TEX9: variants seen among roughly 807,000 people sequenced by gnomAD.
TEX9 encodes testis expressed 9.
TEX9 carries 74 observed loss-of-function variants against 59.6 expected under a neutral mutation model. That is an observed-to-expected ratio of 1.24 (90% confidence interval 1.03 to 1.51). TEX9 has a LOEUF of 1.51. Among genes scored for constraint, TEX9 ranks in the 40% most tolerant of loss-of-function variants. The pLI, the probability that TEX9 is intolerant of heterozygous loss-of-function variation, is 0.00. For synonymous variants in TEX9, 186 were observed against 152.2 expected (o/e 1.22, Z -1.64); for missense variants, 522 against 447.8 (o/e 1.17, Z -1.49).
intron 1 of TEX9, among the ~76,000 whole-genome samples, chr15:56,292,084 GA>G (rs2045107451): frequency 6.6e-6 from 1 of 152,224 alleles, no homozygotes; most frequent in African/African-American, 2.4e-5. Flanking sequence ...ATCTCAAAGT[GA>G]TGATTATTAT....
At chr15:56,360,491 G>T (rs974728864), upstream of TEX9, among the ~76,000 whole-genome samples, 3 of 152,070 alleles carry the variant, frequency 2.0e-5, no homozygotes, top group African/African-American at 7.2e-5. Context: ...AAATGTTGGG[G>T]TATAGAGTTC....
At chr15:56,299,208 GA>G (rs2045285395) in intron 1 of TEX9, among the ~76,000 whole-genome samples, 1 of 152,208 alleles carries the variant, frequency 6.6e-6, no homozygotes, top group African/African-American at 2.4e-5. Context: ...CACAGAAATA[GA>G]ATCTGTGTGC....
rs2046328057 is a variant in TEX9 at position 56,339,402 on chromosome 15, A to AAAAAAAC, written c.-106-34033_-106-34032insCAAAAAA. ...CTTCTCCAAAAAAAAAAAAAAAAAA[A>AAAAAAAC]AAAAAAAAAAAACAGGAGAATAACT... is the stretch of plus-strand genomic sequence containing the variant. On this transcript the variant is annotated intron_variant, in intron 1 of 5. Coordinates refer to the TEX9 transcript ENST00000560827. Among the ~76,000 whole-genome samples the AAAAAAAC allele has an allele frequency of 2.5e-5, 2 of 79,586 alleles. 1 individual carries two copies. Among genetic ancestry groups the AAAAAAAC allele is most frequent in the South Asian group, 7.5e-4 (2 of 2,676 alleles). 52.2% of individuals were successfully genotyped at this position (79,586 alleles called of 152,430 possible).
intron 3 of TEX9, among the ~76,000 whole-genome samples, chr15:56,381,202 C>A (rs939461313): frequency 6.6e-6 from 1 of 152,054 alleles, no homozygotes. Flanking sequence ...TCTGATGCAG[C>A]CTTCAGTATG....
chr15:56,437,954 C>T (rs147290043), intron 12 of TEX9, among the ~76,000 whole-genome samples: 3,405 of 152,058 alleles, frequency 0.022, 133 homozygotes, highest in African/African-American at 0.078. Context: ...CACTGCTCAA[C>T]GAAATAAAAG....
chr15:56,391,500 T>C (rs1168200584), intron 7 of TEX9, 82 bp downstream of exon 7: 2 of 999,340 alleles, frequency 2.0e-6, no homozygotes, highest in African/African-American at 3.3e-5. Flanking sequence ...ATTTCTTCCA[T>C]TTAAAAAAAT....
At chr15:56,343,713 A>ACT (rs1194135665) in intron 1 of TEX9, among the ~76,000 whole-genome samples, 1 of 152,134 alleles carries the variant, frequency 6.6e-6, no homozygotes, top group Non-Finnish European at 1.5e-5. Flanking sequence ...AGTCAGAGAA[A>ACT]ATTATTTTAA....
chr15:56,374,028 G>T (rs2047312334), intron 3 of TEX9: 2 of 151,688 alleles, frequency 1.3e-5, no homozygotes, highest in African/African-American at 2.4e-5. Context: ...AATGGTTACA[G>T]ATTTGTATTT....
chr15:56,306,978 CA>C (rs2045499133), intron 1 of TEX9, among the ~76,000 whole-genome samples: 1 of 152,320 alleles, frequency 6.6e-6, no homozygotes, highest in East Asian at 1.9e-4. Context: ...TAAATTTCAA[CA>C]GTCTTTTTTC....
intron 10 of TEX9, among the ~76,000 whole-genome samples, chr15:56,414,030 C>T (rs1184151773): frequency 2.0e-5 from 3 of 151,696 alleles, no homozygotes; most frequent in African/African-American, 7.3e-5. Flanking sequence ...TATAGACTCA[C>T]CAGTAATTAG....
intron 1 of TEX9, among the ~76,000 whole-genome samples, chr15:56,305,859 C>T (rs971899981): frequency 3.3e-5 from 5 of 151,984 alleles, no homozygotes; most frequent in Admixed American, 6.6e-5. Context: ...AGAAAATATT[C>T]GCAATCTATC....
chr15:56,297,775 G>A (rs2141542591), intron 1 of TEX9, among the ~76,000 whole-genome samples: 1 of 152,294 alleles, frequency 6.6e-6, no homozygotes, highest in East Asian at 1.9e-4. Flanking sequence ...AAAGCGCTGG[G>A]GTAACAGGCG....
chr15:56,444,338 T>C (rs963551870), intron 12 of TEX9: 46 of 871,388 alleles, frequency 5.3e-5, no homozygotes, highest in Middle Eastern at 3.5e-4. Context: ...TATTGAGCAC[T>C]TACTATGTAT....
chr15:56,424,674 C>G (rs2050156431), intron 10 of TEX9, among the ~76,000 whole-genome samples: 1 of 152,024 alleles, frequency 6.6e-6, no homozygotes, highest in South Asian at 2.1e-4. Flanking sequence ...ACTGGTGTCA[C>G]AAATTACATC....
At chr15:56,334,758 C>A (rs2046226912) in intron 1 of TEX9, among the ~76,000 whole-genome samples, 1 of 152,096 alleles carries the variant, frequency 6.6e-6, no homozygotes, top group Non-Finnish European at 1.5e-5. Flanking sequence ...ATCCATCTGA[C>A]AAGCGATTAA....
chr15:56,254,445 C>G (rs76004910), intron 1 of TEX9, among the ~76,000 whole-genome samples: 1 of 151,692 alleles, frequency 6.6e-6, no homozygotes. Context: ...AAGTAGTGAG[C>G]CTGTGGATTC....
chr15:56,438,198 C>G (rs1379104801), intron 12 of TEX9, among the ~76,000 whole-genome samples: 1 of 152,176 alleles, frequency 6.6e-6, no homozygotes, highest in Admixed American at 6.6e-5. Flanking sequence ...AGGCATCATG[C>G]TACCTGAATT....
intron 2 of TEX9, among the ~76,000 whole-genome samples, chr15:56,370,196 A>G (rs986597926): frequency 3.3e-5 from 5 of 152,102 alleles, no homozygotes; most frequent in Non-Finnish European, 7.4e-5. Context: ...ATGGGTTTTC[A>G]TTATGTCTTT....
upstream of TEX9, chr15:56,243,986 G>A (rs2043770295): frequency 2.0e-5 from 3 of 150,264 alleles, no homozygotes; most frequent in South Asian, 6.2e-4. Flanking sequence ...GGCGCACGGC[G>A]CGGAGGGCGG....
Sources: gnomAD v4.1 joint callset for allele counts (sites outside exome capture counted in the v4.1 genomes callset) on GRCh38, gnomAD v4.1.1 for gene constraint, MANE v1.5 for transcripts, NCBI Gene and HGNC (gene_info 2026-07-23, HGNC 2026-07-21) for gene names.